IGSF11: variants seen among roughly 807,000 people sequenced by gnomAD.
The protein encoded by IGSF11 is CXADR like 1.
A neutral mutation model predicts 41.0 loss-of-function variants in IGSF11; 22 were observed. The observed-to-expected ratio is 0.54, with a 90% CI of 0.38 to 0.77. The LOEUF (loss-of-function observed/expected upper bound fraction) is 0.77, where lower values mean the gene tolerates loss of function less well. IGSF11 is among the 30% of genes least tolerant of loss of function. The pLI is 0.00. For synonymous variants in IGSF11, 219 were observed against 201.3 expected (o/e 1.09, Z -0.74); for missense variants, 444 against 530.8 (o/e 0.84, Z 1.61).
intron 1 of IGSF11, among the ~76,000 whole-genome samples, chr3:119,075,152 C>T (rs1406507724): frequency 1.3e-5 from 2 of 152,050 alleles, no homozygotes; most frequent in East Asian, 3.9e-4. Flanking sequence ...GGGGACATTA[C>T]CACAGACCTC....
At chr3:119,101,272 G>C (rs551711320) in intron 1 of IGSF11, among the ~76,000 whole-genome samples, 1 of 152,158 alleles carries the variant, frequency 6.6e-6, no homozygotes, top group Non-Finnish European at 1.5e-5. Flanking sequence ...CACTTTGGGA[G>C]GCCAAGGTGG....
intron 1 of IGSF11, among the ~76,000 whole-genome samples, chr3:118,979,950 A>G (rs566847026): frequency 6.6e-6 from 1 of 152,326 alleles, no homozygotes; most frequent in African/African-American, 2.4e-5. Flanking sequence ...ACAAATCAAA[A>G]CCACAATGAA....
upstream of IGSF11, among the ~76,000 whole-genome samples, chr3:119,109,593 G>A (rs550739664): frequency 2.9e-3 from 437 of 152,144 alleles, no homozygotes; most frequent in Non-Finnish European, 4.7e-3. Context: ...ATTTCCTTCA[G>A]TTCTGCTCTG....
At chr3:119,098,389 C>T (rs1359131953) in intron 1 of IGSF11, among the ~76,000 whole-genome samples, 1 of 152,124 alleles carries the variant, frequency 6.6e-6, no homozygotes, top group East Asian at 1.9e-4. Flanking sequence ...CTATGTGTTA[C>T]TATGTCTTAT....
intron 1 of IGSF11, among the ~76,000 whole-genome samples, chr3:118,960,742 T>A (rs564382721): frequency 6.8e-4 from 104 of 152,352 alleles, no homozygotes; most frequent in African/African-American, 2.4e-3. Context: ...TATAATCACA[T>A]AGTAAGGCTA....
At chr3:118,932,061 G>T (rs1385952776) in intron 1 of IGSF11, among the ~76,000 whole-genome samples, 1 of 152,084 alleles carries the variant, frequency 6.6e-6, no homozygotes, top group South Asian at 2.1e-4. Flanking sequence ...TACTTCAAAG[G>T]AGTAATTTTA....
At chr3:119,060,239 C>T (rs562348212) in intron 1 of IGSF11, among the ~76,000 whole-genome samples, 1 of 152,270 alleles carries the variant, frequency 6.6e-6, no homozygotes, top group East Asian at 1.9e-4. Context: ...AAATTCTTGT[C>T]TTTCCAGAAA....
intron 1 of IGSF11, among the ~76,000 whole-genome samples, chr3:118,932,775 C>T (rs747227875): frequency 4.6e-5 from 7 of 152,114 alleles, no homozygotes; most frequent in Admixed American, 2.6e-4. Context: ...AAACTGGTGC[C>T]GAACCTCCAT....
chr3:119,075,239 A>G (rs2076473518), intron 1 of IGSF11, among the ~76,000 whole-genome samples: 1 of 152,188 alleles, frequency 6.6e-6, no homozygotes, highest in South Asian at 2.1e-4. Context: ...AGAAACAGAT[A>G]AATTCCTGGC....
chr3:119,115,827 G>A (rs561111231), intron 1 of IGSF11, among the ~76,000 whole-genome samples: 3 of 152,082 alleles, frequency 2.0e-5, no homozygotes, highest in African/African-American at 2.4e-5. Context: ...AAAATGAGGT[G>A]ATAAAAAAAT....
At chr3:119,135,403 G>T (rs2077546466) in intron 1 of IGSF11, among the ~76,000 whole-genome samples, 1 of 152,118 alleles carries the variant, frequency 6.6e-6, no homozygotes, top group Non-Finnish European at 1.5e-5. Flanking sequence ...GTGGGCAAAG[G>T]ATATGAACAG....
At chr3:118,999,192 T>C (rs905009340) in intron 1 of IGSF11, among the ~76,000 whole-genome samples, 1 of 152,068 alleles carries the variant, frequency 6.6e-6, no homozygotes, top group South Asian at 2.1e-4. Context: ...AACTTACTAA[T>C]AAATATCTTA....
intron 3 of IGSF11, among the ~76,000 whole-genome samples, chr3:118,927,330 C>A (rs1416982898): frequency 6.6e-6 from 1 of 151,888 alleles, no homozygotes; most frequent in East Asian, 1.9e-4. Context: ...TAAGTCTGGA[C>A]AAACAAAAAA....
chr3:119,111,300 T>C (rs2107519553), intron 1 of IGSF11, among the ~76,000 whole-genome samples: 1 of 152,332 alleles, frequency 6.6e-6, no homozygotes, highest in South Asian at 2.1e-4. Flanking sequence ...CTTTTTATTC[T>C]TTTTTCTCTA....
intron 1 of IGSF11, among the ~76,000 whole-genome samples, chr3:118,987,491 T>A (rs1003931417): frequency 6.6e-6 from 1 of 152,102 alleles, no homozygotes; most frequent in African/African-American, 2.4e-5. Context: ...TGCCTAGTAG[T>A]GTGGAGCCAT....
chr3:118,953,332 A>G (rs1011353722), intron 1 of IGSF11, among the ~76,000 whole-genome samples: 3 of 152,198 alleles, frequency 2.0e-5, no homozygotes, highest in South Asian at 2.1e-4. Flanking sequence ...TATATTTGCA[A>G]TTACAAATTG....
At chr3:119,079,215 C>T (rs1002484767) in intron 1 of IGSF11, among the ~76,000 whole-genome samples, 5 of 151,902 alleles carry the variant, frequency 3.3e-5, no homozygotes, top group African/African-American at 4.8e-5. Context: ...AAAAATTAGC[C>T]GGGTGTGGTG....
chr3:119,124,266 C>CTT (rs567233919), intron 1 of IGSF11, among the ~76,000 whole-genome samples: 41 of 79,478 alleles, frequency 5.2e-4, no homozygotes, highest in African/African-American at 1.2e-3. Context: ...ACATCAGAGC[C>CTT]TTTTTTTTTT....
At chr3:119,135,794 CAA>C (rs1486126779) in intron 1 of IGSF11, among the ~76,000 whole-genome samples, 1 of 152,110 alleles carries the variant, frequency 6.6e-6, no homozygotes, top group Non-Finnish European at 1.5e-5. Context: ...TTCACAATAG[CAA>C]AGACTTGGAA....
Sources: allele counts gnomAD v4.1 joint callset (sites outside exome capture counted in the v4.1 genomes callset), GRCh38; gene constraint gnomAD v4.1.1; transcripts MANE v1.5; gene names NCBI Gene and HGNC (gene_info 2026-07-23, HGNC 2026-07-21).